SMR3A: variants seen among roughly 807,000 people sequenced by gnomAD.
The protein encoded by SMR3A is submaxillary gland androgen regulated protein 3A.
For synonymous variants in SMR3A, 48 were observed against 57.4 expected (o/e 0.84, Z 0.74); for missense variants, 188 against 163.0 (o/e 1.15, Z -0.84).
At chr4:70,364,714 T>A (rs1355673611) in intron 2 of SMR3A, among the ~76,000 whole-genome samples, 2 of 151,836 alleles carry the variant, frequency 1.3e-5, no homozygotes, top group Non-Finnish European at 1.5e-5. Context: ...AAGTGGAGAA[T>A]GTTTATAAAA....
rs1732282079 is a variant in SMR3A at position 70,366,963 on chromosome 4, C to T, written c.374C>T (p.Thr125Ile). ...CCATTTTTCCCTGTAAATTCTCCAACTGATCCTGCCCTCCCTACTCCTGCA... is the reference window on the plus strand; with the variant it reads ...CCATTTTTCCCTGTAAATTCTCCAATTGATCCTGCCCTCCCTACTCCTGCA... ...GPPFFPVNSP[T>I]DPALPTPAP is the part of the protein sequence containing the mutation. The change falls in exon 3 of 3, where the codon ACT becomes ATT. Residue 125 changes from threonine to isoleucine, a missense_variant. Transcript: ENST00000226460. The T allele has an allele frequency of 6.2e-7, 1 of 1,613,308 alleles. No homozygotes were observed. Among genetic ancestry groups the T allele is most frequent in the Non-Finnish European group, 8.5e-7 (1 of 1,179,644 alleles).
chr4:70,364,432 G>GA (rs931578579), intron 2 of SMR3A, among the ~76,000 whole-genome samples: 5 of 151,586 alleles, frequency 3.3e-5, no homozygotes, highest in African/African-American at 9.7e-5. Context: ...AGGATAGGGA[G>GA]AAAAAAAATT....
intron 2 of SMR3A, among the ~76,000 whole-genome samples, chr4:70,365,633 T>C (rs1455088218): frequency 6.6e-6 from 1 of 151,988 alleles, no homozygotes; most frequent in South Asian, 2.1e-4. Flanking sequence ...TCATTTCACT[T>C]CCCTTTAGAT....
intron 2 of SMR3A, among the ~76,000 whole-genome samples, chr4:70,365,220 G>A (rs17717615): frequency 0.27 from 40,640 of 151,650 alleles, 6,339 homozygotes; most frequent in Admixed American, 0.34. Context: ...TAATGTATTT[G>A]TTCCTTGCAC....
intron 1 of SMR3A, among the ~76,000 whole-genome samples, 189 bp from the exon 2 acceptor site, chr4:70,361,913 A>C (rs1732153875): frequency 6.6e-6 from 1 of 151,952 alleles, no homozygotes; most frequent in African/African-American, 2.4e-5. Flanking sequence ...CACTATTTTG[A>C]AGTCAAATTT....
At position 70,362,180 on chromosome 4, in the gene SMR3A, T is replaced by G; in HGVS notation, c.54+11T>G. The G allele has an allele frequency of 3.7e-6, 6 of 1,611,766 alleles. No homozygotes were observed. Among genetic ancestry groups the G allele is most frequent in the Non-Finnish European group, 5.1e-6 (6 of 1,178,300 alleles). On this transcript the variant is annotated intron_variant, in intron 2 of 2. Transcript: ENST00000226460. ...GCAGCGTGTTTCACAGTAAGTATCA[T>G]TAATCACGATCACACATCTTTATAC...
chr4:70,362,057 T>C (rs997372122), intron 1 of SMR3A, 45 bp from the exon 2 acceptor site: 1 of 1,608,534 alleles, frequency 6.2e-7, no homozygotes, highest in East Asian at 2.2e-5. Flanking sequence ...TAGTACTTTT[T>C]AATAAAAAAC....
chr4:70,361,466 C>A (rs1732145076), intron 1 of SMR3A, among the ~76,000 whole-genome samples: 1 of 151,844 alleles, frequency 6.6e-6, no homozygotes, highest in Non-Finnish European at 1.5e-5. Flanking sequence ...CCTCCATATT[C>A]TCTGACTTGG....
chr4:70,366,374 G>A (rs984388420), intron 2 of SMR3A, among the ~76,000 whole-genome samples: 1 of 151,852 alleles, frequency 6.6e-6, no homozygotes, highest in Non-Finnish European at 1.5e-5. Flanking sequence ...AGTCTACCAT[G>A]TACTTCCACA....
At position 70,366,961 on chromosome 4, in the gene SMR3A, A is replaced by G; in HGVS notation, c.372A>G (p.Pro124=). ...CTCCATTTTTCCCTGTAAATTCTCCAACTGATCCTGCCCTCCCTACTCCTG... is the reference window on the plus strand; with the variant it reads ...CTCCATTTTTCCCTGTAAATTCTCCGACTGATCCTGCCCTCCCTACTCCTG... ...PGPPFFPVNS[P]TDPALPTPAP Residue 124 remains proline, a synonymous_variant, in exon 3 of 3, where the codon CCA becomes CCG. Transcript: ENST00000226460. 1 of 1,613,420 alleles carries G rather than the reference A, an allele frequency of 6.2e-7. No homozygotes were observed.
chr4:70,365,598 A>G (rs921742489), intron 2 of SMR3A, among the ~76,000 whole-genome samples: 2 of 152,028 alleles, frequency 1.3e-5, no homozygotes, highest in Non-Finnish European at 2.9e-5. Flanking sequence ...AAACACTGGC[A>G]TGAAATCCCA....
intron 2 of SMR3A, among the ~76,000 whole-genome samples, chr4:70,364,354 A>G (rs1219621972): frequency 2.6e-5 from 4 of 152,018 alleles, no homozygotes; most frequent in African/African-American, 9.7e-5. Flanking sequence ...GACAGATGAG[A>G]ATGAAAGCAA....
intron 2 of SMR3A, among the ~76,000 whole-genome samples, chr4:70,365,132 A>C (rs765718710): frequency 8.6e-5 from 13 of 151,982 alleles, no homozygotes; most frequent in Admixed American, 5.3e-4. Context: ...GTATTCTTTA[A>C]GCCTCTTTTC....
intron 1 of SMR3A, among the ~76,000 whole-genome samples, chr4:70,361,731 T>C (rs1577868914): frequency 6.6e-6 from 1 of 151,878 alleles, no homozygotes; most frequent in East Asian, 1.9e-4. Context: ...ACAATGTACC[T>C]GCTATTTAAA....
At chr4:70,362,653 A>G (rs941180444) in intron 2 of SMR3A, among the ~76,000 whole-genome samples, 3 of 151,826 alleles carry the variant, frequency 2.0e-5, no homozygotes, top group Middle Eastern at 3.2e-3. Flanking sequence ...TTATAGTAAC[A>G]CCTACCATAT....
intron 2 of SMR3A, among the ~76,000 whole-genome samples, chr4:70,363,570 G>C (rs1732193368): frequency 6.6e-6 from 1 of 151,936 alleles, no homozygotes; most frequent in South Asian, 2.1e-4. Flanking sequence ...TAATGTAGGA[G>C]ATTAACATTA....
rs190999954 is a variant in SMR3A at position 70,361,835 on chromosome 4, T to A, written c.-14-267T>A. ...AGTTACAAAAGCTTCTATTGTTCAA[T>A]CATTTATGAACAACTCTTTGGCATT... is the stretch of plus-strand genomic sequence containing the variant. On this transcript the variant is annotated intron_variant, in intron 1 of 2. Transcript: ENST00000226460. Among the ~76,000 whole-genome samples the A allele has an allele frequency of 4.5e-3, 683 of 152,022 alleles. 1 individual carries two copies. Among genetic ancestry groups the A allele is most frequent in the Non-Finnish European group, 6.6e-3 (450 of 67,874 alleles).
intron 2 of SMR3A, among the ~76,000 whole-genome samples, chr4:70,366,181 C>A (rs1167190542): frequency 6.6e-6 from 1 of 151,992 alleles, no homozygotes; most frequent in Non-Finnish European, 1.5e-5. Flanking sequence ...TAGGTGGCTT[C>A]TCTGCTCAGA....
At chr4:70,361,301 G>A (rs1270077247) in intron 1 of SMR3A, among the ~76,000 whole-genome samples, 14 of 151,926 alleles carry the variant, frequency 9.2e-5, no homozygotes, top group Middle Eastern at 6.8e-3. Flanking sequence ...CAAAACTTGC[G>A]TTGTTCAGAC....
Sources: gnomAD v4.1 joint callset for allele counts (sites outside exome capture counted in the v4.1 genomes callset) on GRCh38, gnomAD v4.1.1 for gene constraint, MANE v1.5 for transcripts, NCBI Gene and HGNC (gene_info 2026-07-23, HGNC 2026-07-21) for gene names.